The following CNDP1 variants were observed in gnomAD, a reference collection of about 807,000 sequenced individuals.
CNDP1 encodes beta-Ala-His dipeptidase.
A neutral mutation model predicts 58.1 loss-of-function variants in CNDP1; 44 were observed. The observed-to-expected ratio is 0.76, with a 90% CI of 0.60 to 0.97. The LOEUF is 0.97. Ranked by LOEUF, CNDP1 falls within the 50% of genes least tolerant of loss-of-function variation. CNDP1 has a pLI of 0.00. For synonymous variants in CNDP1, 254 were observed against 252.6 expected (o/e 1.01, Z -0.05); for missense variants, 616 against 655.1 (o/e 0.94, Z 0.65).
chr18:74,578,525 A>G (rs6566814), intron 9 of CNDP1, among the ~76,000 whole-genome samples, 198 bp downstream of exon 9: 81,630 of 151,896 alleles, frequency 0.54, 22,106 homozygotes, highest in African/African-American at 0.61. Context: ...ACTTTGAGAG[A>G]CCAAGGCTAG....
chr18:74,550,489 C>G (rs1980872856), intron 1 of CNDP1, among the ~76,000 whole-genome samples: 1 of 151,986 alleles, frequency 6.6e-6, no homozygotes, highest in Non-Finnish European at 1.5e-5. Context: ...GTGAGAGGAA[C>G]TCATCTCCAG....
chr18:74,571,070 T>A lies in CNDP1; in HGVS notation c.757-116T>A. 4.4e-6 allele frequency: 3 copies of A among 676,604 alleles called. No homozygotes were observed. In the South Asian group the frequency reaches 5.4e-5, roughly 12 times the overall value. 41.9% of individuals were successfully genotyped at this position (676,604 alleles called of 1,614,324 possible). On this transcript the variant is annotated intron_variant, in intron 6 of 11. Transcript: ENST00000358821. ...CACAGAAAGTGAAGTCAGGTCTGGA[T>A]GTTGCCTACCTGAGTTCTGAGGGAC... is the stretch of plus-strand genomic sequence containing the variant.
In CNDP1 at chr18:74,580,110, T is replaced by C. The variant is rs1981750732; in HGVS notation, c.1168-20T>C. The C allele has an allele frequency of 6.2e-7, 1 of 1,603,868 alleles. No individual in the cohort carries two copies. The highest frequency in any genetic ancestry group is 1.3e-5 in the African/African-American group (1 of 74,734). On this transcript the variant is annotated intron_variant, in intron 9 of 11. Coordinates refer to ENST00000358821, the MANE Select transcript of CNDP1 (RefSeq NM_032649.6). ...AATAACTTGACACTTTCTCTTATCA[T>C]TGAAAATGTCACCTTTTAGGTGACA...
At chr18:74,559,565 C>A in intron 3 of CNDP1, 93 bp downstream of exon 3, 1 of 1,218,188 alleles carries the variant, frequency 8.2e-7, no homozygotes, top group Non-Finnish European at 1.1e-6. Flanking sequence ...TCACCCTGAT[C>A]CTCAACCACA....
intron 6 of CNDP1, among the ~76,000 whole-genome samples, chr18:74,568,164 C>T (rs1393350364): frequency 2.0e-5 from 3 of 152,232 alleles, no homozygotes; most frequent in Admixed American, 2.0e-4. Context: ...TCTGTTTTCT[C>T]ATATAACAAC....
At chr18:74,557,635 ATG>A (rs1409891215) in intron 2 of CNDP1, among the ~76,000 whole-genome samples, 2 of 150,204 alleles carry the variant, frequency 1.3e-5, no homozygotes, top group Non-Finnish European at 3.0e-5. Context: ...ACCCCCACAC[ATG>A]TGCACACTGA....
chr18:74,572,621 G>A lies in CNDP1; in HGVS notation c.841+1351G>A, dbSNP rs375100885. On this transcript the variant is annotated intron_variant, in intron 7 of 11. Coordinates refer to ENST00000358821, the MANE Select transcript of CNDP1 (RefSeq NM_032649.6). ...TGGGCAACATGGTGAAACCCTGTCT[G>A]TACAAAAAATACAAAAGTTAGCCAG... Among the ~76,000 whole-genome samples, 11 of 151,684 alleles carry A rather than the reference G, an allele frequency of 7.3e-5. No individual in the cohort carries two copies. In the South Asian group the frequency reaches 2.3e-3, roughly 32 times the overall value.
chr18:74,575,319 GCTTAGA>G (rs1981602547), intron 7 of CNDP1, among the ~76,000 whole-genome samples: 8 of 152,316 alleles, frequency 5.3e-5, no homozygotes, highest in Admixed American at 1.3e-4. Context: ...TACAGTGCGT[GCTTAGA>G]AGGCACGCAC....
Position 74,567,386 on chromosome 18 carries a change from C to T in CNDP1, c.709C>T (p.Pro237Ser), listed in dbSNP as rs1981356302. 1 of 1,614,068 alleles carries T rather than the reference C, an allele frequency of 6.2e-7. No homozygotes were observed. Among genetic ancestry groups the T allele is most frequent in the Non-Finnish European group, 8.5e-7 (1 of 1,179,958 alleles). Reference protein sequence around the residue: ...SDNLWISQRKPAITYGTRGNS... With the variant: ...SDNLWISQRKSAITYGTRGNS... ...TAACCTGTGGATCAGCCAAAGGAAG[C>T]CAGCAATCACTTACGGAACCCGGGG... Residue 237 changes from proline (P) to serine (S), a missense_variant, in exon 6 of 12, where the codon CCA becomes TCA. Coordinates refer to ENST00000358821, the MANE Select transcript of CNDP1 (RefSeq NM_032649.6).
In CNDP1 at chr18:74,561,841, T is replaced by G. The variant is rs181736645; in HGVS notation, c.467-206T>G. Among the ~76,000 whole-genome samples, 88 of 152,296 alleles carry G rather than the reference T, an allele frequency of 5.8e-4. 1 individual carries two copies. The highest frequency in any genetic ancestry group is 2.1e-3 in the African/African-American group (86 of 41,560). ...CTGACTAGCTGATGACTGTACTATT[T>G]GTCAGGGAAGAGATCCAAGGATCTC... is the stretch of plus-strand genomic sequence containing the variant. On this transcript the variant is annotated intron_variant, in intron 4 of 11. Transcript: ENST00000358821.
chr18:74,549,850 A>C (rs1489138608), intron 1 of CNDP1, among the ~76,000 whole-genome samples: 1 of 152,206 alleles, frequency 6.6e-6, no homozygotes, highest in Non-Finnish European at 1.5e-5. Flanking sequence ...GTTGTGGCTC[A>C]AAGGGCCCCA....
Position 74,540,611 on chromosome 18 carries a change from G to A in CNDP1, c.24+5920G>A, listed in dbSNP as rs549160828. Among the ~76,000 whole-genome samples, 5 of 152,324 alleles carry A rather than the reference G, an allele frequency of 3.3e-5. No individual in the cohort carries two copies. In the South Asian group the frequency reaches 8.3e-4, roughly 25 times the overall value. ...GGGCAAGTCCAGAAAGGAGAGCCGT[G>A]TTTAGATGTGTGGGGGTGTAACCTA... is the stretch of plus-strand genomic sequence containing the variant. On this transcript the variant is annotated intron_variant, in intron 1 of 11. Transcript: ENST00000358821.
intron 9 of CNDP1, among the ~76,000 whole-genome samples, chr18:74,579,893 C>G (rs1014260036): frequency 1.3e-5 from 2 of 152,178 alleles, no homozygotes; most frequent in African/African-American, 4.8e-5. Flanking sequence ...AGGGGAATCT[C>G]CCTCTGGGTA....
At chr18:74,562,781 ACT>A (rs1158996051) in intron 5 of CNDP1, among the ~76,000 whole-genome samples, 1 of 152,004 alleles carries the variant, frequency 6.6e-6, no homozygotes, top group East Asian at 1.9e-4. Context: ...TGCACCTTTA[ACT>A]CTCTCGTGTT....
chr18:74,554,282 A>T (rs1179461445), intron 1 of CNDP1, among the ~76,000 whole-genome samples: 1 of 152,202 alleles, frequency 6.6e-6, no homozygotes, highest in Non-Finnish European at 1.5e-5. Context: ...AAGCCTGAAC[A>T]TCCCTGTAGC....
chr18:74,566,363 C>A (rs565849995), intron 5 of CNDP1, among the ~76,000 whole-genome samples: 1 of 152,204 alleles, frequency 6.6e-6, no homozygotes, highest in Non-Finnish European at 1.5e-5. Flanking sequence ...ATGGGTTTTT[C>A]TTTTCTATCA....
chr18:74,535,289 A>T (rs1980458616), intron 1 of CNDP1, among the ~76,000 whole-genome samples: 1 of 152,208 alleles, frequency 6.6e-6, no homozygotes, highest in Non-Finnish European at 1.5e-5. Context: ...GATAAAATTC[A>T]TGGACGCTTT....
chr18:74,569,084 G>A (rs1251723798), intron 6 of CNDP1, among the ~76,000 whole-genome samples: 2 of 152,170 alleles, frequency 1.3e-5, no homozygotes, highest in African/African-American at 2.4e-5. Context: ...CCGAGAACAG[G>A]TGGTACAGCA....
intron 1 of CNDP1, among the ~76,000 whole-genome samples, chr18:74,542,764 G>A (rs796078736): frequency 2.0e-5 from 3 of 152,148 alleles, no homozygotes; most frequent in Admixed American, 6.5e-5. Context: ...GAACTCCTGG[G>A]CTCAAGTGGG....
Sources: gnomAD v4.1 joint callset for allele counts (sites outside exome capture counted in the v4.1 genomes callset) on GRCh38, gnomAD v4.1.1 for gene constraint, MANE v1.5 for transcripts, NCBI Gene and HGNC (gene_info 2026-07-23, HGNC 2026-07-21) for gene names.